Variants in HELZ observed in about 807,000 individuals in gnomAD.
HELZ encodes the protein helicase with zinc finger.
A neutral mutation model predicts 218.2 loss-of-function variants in HELZ; 23 were observed. The ratio of observed to expected loss-of-function variants is 0.11; its 90% CI spans 0.08 to 0.15. HELZ has a LOEUF of 0.15. HELZ is among the 10% of genes least tolerant of loss of function. The pLI is 1.00. For synonymous variants in HELZ, 814 were observed against 829.4 expected (o/e 0.98, Z 0.32); for missense variants, 1,813 against 2,353.7 (o/e 0.77, Z 4.75).
chr17:67,223,703 G>A (rs548473551), intron 3 of HELZ, among the ~76,000 whole-genome samples: 2 of 152,244 alleles, frequency 1.3e-5, no homozygotes, highest in South Asian at 2.1e-4. Context: ...AGTGAGCTGA[G>A]ATTGCGCCAT....
rs577465974 is a variant in HELZ at position 67,154,319 on chromosome 17, C to G, written c.2178-3095G>C. ...GGCAATGCACCTGTAGTCCCAGCTA[C>G]TTGGGAGGCTGAGGCACAAGAATCA... is the stretch of plus-strand genomic sequence containing the variant. On this transcript the variant is annotated intron_variant, in intron 17 of 32. Transcript: ENST00000358691. 8.1e-4 allele frequency among the ~76,000 whole-genome samples: 124 copies of G among 152,260 alleles called. 1 individual carries two copies. In the Middle Eastern group the frequency reaches 0.01, roughly 13 times the overall value.
intron 21 of HELZ, among the ~76,000 whole-genome samples, chr17:67,142,135 G>T (rs183652646): frequency 3.9e-5 from 6 of 152,150 alleles, no homozygotes; most frequent in Admixed American, 3.9e-4. Flanking sequence ...GAAGACACAG[G>T]AGATCAAAAA....
intron 24 of HELZ, among the ~76,000 whole-genome samples, chr17:67,127,207 T>C (rs1165819832): frequency 6.6e-6 from 1 of 152,186 alleles, no homozygotes; most frequent in Non-Finnish European, 1.5e-5. Flanking sequence ...TCCTCTCACT[T>C]CCTCTCACTT....
intron 17 of HELZ, among the ~76,000 whole-genome samples, chr17:67,158,624 T>C (rs1161708073): frequency 1.3e-5 from 2 of 152,164 alleles, no homozygotes; most frequent in East Asian, 1.9e-4. Flanking sequence ...CACATGAAAT[T>C]TGCATTTGAA....
chr17:67,093,610 C>G (rs761162194), intron 31 of HELZ, among the ~76,000 whole-genome samples: 1 of 152,154 alleles, frequency 6.6e-6, no homozygotes, highest in Non-Finnish European at 1.5e-5. Context: ...AATGAGCCTA[C>G]TAGGACTGAG....
intron 21 of HELZ, among the ~76,000 whole-genome samples, chr17:67,144,911 T>C (rs748080579): frequency 2.0e-5 from 3 of 152,188 alleles, no homozygotes; most frequent in Non-Finnish European, 4.4e-5. Context: ...TTTCTTTGCT[T>C]TTGGCTAGGA....
rs2041120587 is a variant in HELZ at position 67,234,294 on chromosome 17, AAAAAAAAAAAAAAAG to A, written c.-19+5124_-19+5138del. On this transcript the variant is annotated intron_variant, in intron 3 of 32. Transcript: ENST00000358691. The stretch of plus-strand genomic sequence containing the variant: ...GCCGAGATGGAGCCACTGTACTCCA[AAAAAAAAAAAAAAAG>A]AAAGAAAAAAGAAAAAAAAAAACAC... Among the ~76,000 whole-genome samples the A allele has an allele frequency of 5.1e-5, 4 of 77,692 alleles. No homozygotes were observed. In the South Asian group the frequency reaches 1.3e-3, roughly 25 times the overall value. 51.0% of individuals were successfully genotyped at this position (77,692 alleles called of 152,430 possible). A position where few individuals can be genotyped will look rare whatever the true frequency, so the allele number is the denominator to read the frequency against.
chr17:67,099,199 C>T (rs1386101943), intron 31 of HELZ, among the ~76,000 whole-genome samples: 7 of 151,868 alleles, frequency 4.6e-5, no homozygotes, highest in South Asian at 2.1e-4. Context: ...CTATTGCTTT[C>T]GCCCAGTTCT....
chr17:67,100,943 A>G (rs2036907125), intron 31 of HELZ, among the ~76,000 whole-genome samples: 3 of 151,812 alleles, frequency 2.0e-5, no homozygotes, highest in Non-Finnish European at 4.4e-5. Flanking sequence ...TACTAAAAAT[A>G]TTAAAAATAT....
intron 3 of HELZ, among the ~76,000 whole-genome samples, chr17:67,238,279 A>AGTGAGCC (rs2041236614): frequency 6.7e-6 from 1 of 149,048 alleles, no homozygotes; most frequent in Non-Finnish European, 1.5e-5. Flanking sequence ...CCTGGGAGGC[A>AGTGAGCC]GAGGTTGCAG....
Position 67,070,576 on chromosome 17 carries a change from T to C in HELZ, c.*7676A>G, listed in dbSNP as rs1425853757. ...CACTGTAGGAACTGTAGACCCCAAG[T>C]TGAAAACTTGTTCTATGGAACCAAA... On this transcript the variant is annotated 3_prime_UTR_variant, in exon 33 of 33. Coordinates refer to ENST00000358691, the MANE Select transcript of HELZ (RefSeq NM_014877.4). The C allele has an allele frequency of 6.6e-6, 1 of 152,140 alleles. No individual in the cohort carries two copies. Among genetic ancestry groups the C allele is most frequent in the African/African-American group, 2.4e-5 (1 of 41,434 alleles). 9.4% of individuals were successfully genotyped at this position (152,140 alleles called of 1,614,324 possible).
Position 67,076,651 on chromosome 17 carries a change from G to GT in HELZ, c.*1600dup, listed in dbSNP as rs2036026123. The GT allele has an allele frequency of 6.6e-6, 1 of 152,194 alleles. No homozygotes were observed. The highest frequency in any genetic ancestry group is 6.5e-5 in the Admixed American group (1 of 15,286). 9.4% of individuals were successfully genotyped at this position (152,194 alleles called of 1,614,324 possible). A position where few individuals can be genotyped will look rare whatever the true frequency, so the allele number is the denominator to read the frequency against. ...CCAAACTGTCTGAGGATTAAAAGGG[G>GT]TTGTAGCTGGCCAACATAAACTAAA... On this transcript the variant is annotated 3_prime_UTR_variant, in exon 33 of 33. Transcript: ENST00000358691.
At chr17:67,170,212 G>C (rs1294035204) in intron 13 of HELZ, among the ~76,000 whole-genome samples, 1 of 152,164 alleles carries the variant, frequency 6.6e-6, no homozygotes, top group Non-Finnish European at 1.5e-5. Context: ...GCTCCATTAA[G>C]CACTGTCCTA....
At chr17:67,173,760 G>A (rs968011923) in intron 13 of HELZ, among the ~76,000 whole-genome samples, 3 of 151,654 alleles carry the variant, frequency 2.0e-5, no homozygotes, top group Non-Finnish European at 2.9e-5. Flanking sequence ...CCCATCTAAC[G>A]ATGAAATGTG....
intron 24 of HELZ, among the ~76,000 whole-genome samples, chr17:67,127,259 C>T (rs775406756): frequency 6.6e-6 from 1 of 152,214 alleles, no homozygotes; most frequent in Non-Finnish European, 1.5e-5. Flanking sequence ...TAATTTGCTA[C>T]TGTGCTCCTT....
At chr17:67,106,296 T>C (rs1453302665) in intron 31 of HELZ, among the ~76,000 whole-genome samples, 1 of 151,448 alleles carries the variant, frequency 6.6e-6, no homozygotes, top group East Asian at 1.9e-4. Context: ...AATATCTAAG[T>C]ATTTTACTTT....
chr17:67,141,603 G>A (rs570425836), intron 21 of HELZ, among the ~76,000 whole-genome samples: 10 of 151,968 alleles, frequency 6.6e-5, no homozygotes, highest in Non-Finnish European at 1.2e-4. Flanking sequence ...AAGGAAGGGG[G>A]AATAGAGCTA....
intron 3 of HELZ, chr17:67,225,019 AG>A (rs1397904653): frequency 8.8e-6 from 6 of 679,880 alleles, no homozygotes; most frequent in Non-Finnish European, 1.6e-5. Context: ...GATAAGAGAA[AG>A]GGTCAAGTGA....
intron 3 of HELZ, among the ~76,000 whole-genome samples, chr17:67,237,232 C>G (rs868672692): frequency 1.8e-4 from 27 of 152,078 alleles, no homozygotes; most frequent in Non-Finnish European, 2.9e-4. Flanking sequence ...TTGCAGTGAG[C>G]CGAGATCCCA....
Sources: allele counts gnomAD v4.1 joint callset (sites outside exome capture counted in the v4.1 genomes callset), GRCh38; gene constraint gnomAD v4.1.1; transcripts MANE v1.5; gene names NCBI Gene and HGNC (gene_info 2026-07-23, HGNC 2026-07-21).